Variants in DNAH14 observed in about 807,000 individuals in gnomAD.
DNAH14 encodes dynein axonemal heavy chain 14.
A neutral mutation model predicts 520.9 loss-of-function variants in DNAH14; 478 were observed. The observed-to-expected ratio is 0.92, with a 90% CI of 0.85 to 0.99. The LOEUF is 0.99. Among genes scored for constraint, DNAH14 ranks in the 50% least tolerant of loss-of-function variants. The pLI is 0.00. For synonymous variants in DNAH14, 1,581 were observed against 1,757.2 expected (o/e 0.90, Z 2.51); for missense variants, 4,831 against 5,234.5 (o/e 0.92, Z 2.38).
At chr1:225,357,476 G>A (rs749459332) in intron 73 of DNAH14, among the ~76,000 whole-genome samples, 7 of 152,178 alleles carry the variant, frequency 4.6e-5, no homozygotes, top group South Asian at 2.1e-4. Context: ...TGATGGTATC[G>A]GGGAAACACC....
In DNAH14 at chr1:225,258,042, C is replaced by T. The variant is rs370676245; in HGVS notation, c.6948C>T (p.Thr2316=). The change falls in exon 45 of 86, where the codon ACC becomes ACT. Residue 2316 remains threonine, a synonymous_variant. Transcript: ENST00000682510. ...AATGTGGAGAATGCATTAATTATAC[C>T]GCTACCAGAGACACAACATGCCTTT... ...ITECGECINY[T]ATRDTTCLSF... 20 of 1,549,710 alleles carry T rather than the reference C, an allele frequency of 1.3e-5. No homozygotes were observed. Among genetic ancestry groups the T allele is most frequent in the African/African-American group, 5.5e-5 (4 of 72,800 alleles).
intron 38 of DNAH14, among the ~76,000 whole-genome samples, chr1:225,194,515 G>A (rs1409384741): frequency 1.3e-5 from 2 of 151,966 alleles, no homozygotes; most frequent in Non-Finnish European, 2.9e-5. Flanking sequence ...TTCCTTTCAC[G>A]ATATACAAAA....
At chr1:225,231,902 G>C (rs1307534331) in intron 42 of DNAH14, among the ~76,000 whole-genome samples, 1 of 152,004 alleles carries the variant, frequency 6.6e-6, no homozygotes, top group Non-Finnish European at 1.5e-5. Context: ...TAGCCAAAAA[G>C]AGCATTTATA....
intron 36 of DNAH14, among the ~76,000 whole-genome samples, chr1:225,171,197 A>G (rs1448339366): frequency 6.6e-6 from 1 of 152,222 alleles, no homozygotes; most frequent in Admixed American, 6.5e-5. Context: ...CCCTAACATC[A>G]CAATTAAAAG....
intron 23 of DNAH14, among the ~76,000 whole-genome samples, chr1:225,103,928 T>TTGAATAGGAGTGGTGAGAGAGGGCA (rs576134070): frequency 0.064 from 9,617 of 150,746 alleles, 496 homozygotes; most frequent in East Asian, 0.22. Flanking sequence ...CAACACTATG[T>TTGAATAGGAGTGGTGAGAGAGGGCA]TGAATAGGAG....
At chr1:225,184,015 T>G (rs1034441002) in intron 36 of DNAH14, among the ~76,000 whole-genome samples, 1 of 152,024 alleles carries the variant, frequency 6.6e-6, no homozygotes, top group African/African-American at 2.4e-5. Flanking sequence ...TTAATACCAA[T>G]GGTAATCAAA....
In DNAH14 at chr1:225,240,753, T is replaced by C. The variant is rs1279763709; in HGVS notation, c.6679T>C (p.Ser2227Pro). Residue 2227 changes from serine to proline, a missense_variant, in exon 43 of 86, where the codon TCT becomes CCT. Physicochemically the swap from Ser to Pro is moderately conservative, Grantham distance 74. Transcript: ENST00000682510. Reference sequence around the variant, plus strand: ...ATTTTGTCCCAGTCTTGAACCTGATTCTCTTGCAAAAGTAACATACGATTT... The same window carrying C: ...ATTTTGTCCCAGTCTTGAACCTGATCCTCTTGCAAAAGTAACATACGATTT... ...IPFCPSLEPD[S>P]LAKVTYDFDK... 3 of 1,550,434 alleles carry C rather than the reference T, an allele frequency of 1.9e-6. No individual in the cohort carries two copies. The highest frequency in any genetic ancestry group is 2.6e-6 in the Non-Finnish European group (3 of 1,146,254).
At position 225,069,357 on chromosome 1, in the gene DNAH14, C is replaced by T. The variant is rs1404671632; in HGVS notation, c.2425-9850C>T. Among the ~76,000 whole-genome samples the T allele has an allele frequency of 4.6e-5, 7 of 152,204 alleles. No individual in the cohort carries two copies. The Middle Eastern group carries it at 0.01, about 222-fold the overall frequency. ...GGCTGCGGGTTTGTCAGAGATGGCT[C>T]TTATTATTTTGAGATATGTTCCTTC... On this transcript the variant is annotated intron_variant, in intron 17 of 85. Transcript: ENST00000682510.
At chr1:224,932,061 A>G (rs977768231) in intron 1 of DNAH14, among the ~76,000 whole-genome samples, 2 of 152,192 alleles carry the variant, frequency 1.3e-5, no homozygotes, top group Non-Finnish European at 2.9e-5. Context: ...GCTAGTTTAC[A>G]TACCCACTAA....
At chr1:225,379,464 TTAGA>T (rs963362071) in intron 79 of DNAH14, among the ~76,000 whole-genome samples, 5 of 152,286 alleles carry the variant, frequency 3.3e-5, no homozygotes, top group Admixed American at 3.3e-4. Flanking sequence ...CCCTCTAACA[TTAGA>T]TAGATCTGTA....
chr1:225,124,660 A>T (rs9286991), intron 27 of DNAH14, among the ~76,000 whole-genome samples: 2 of 152,086 alleles, frequency 1.3e-5, no homozygotes, highest in African/African-American at 4.8e-5. Context: ...CTTCCACTGA[A>T]GTCTTGAACC....
chr1:225,027,166 AG>A (rs1483364936), intron 11 of DNAH14, among the ~76,000 whole-genome samples: 1 of 152,124 alleles, frequency 6.6e-6, no homozygotes, highest in African/African-American at 2.4e-5. Context: ...CTAATTGTTT[AG>A]GATTTTCTTT....
chr1:225,165,914 A>G (rs1340744810), intron 35 of DNAH14, among the ~76,000 whole-genome samples: 1 of 151,916 alleles, frequency 6.6e-6, no homozygotes, highest in Non-Finnish European at 1.5e-5. Context: ...TGAAAATGCG[A>G]TTTGATGTTT....
intron 41 of DNAH14, among the ~76,000 whole-genome samples, chr1:225,222,158 A>G (rs1366757195): frequency 1.3e-5 from 2 of 152,166 alleles, no homozygotes; most frequent in Non-Finnish European, 2.9e-5. Context: ...GAACACTGCA[A>G]TGGATCATGT....
chr1:225,263,394 G>T (rs2093007681), intron 46 of DNAH14, among the ~76,000 whole-genome samples: 1 of 151,836 alleles, frequency 6.6e-6, no homozygotes, highest in South Asian at 2.1e-4. Flanking sequence ...ATTCAAGCCT[G>T]AGACCTAGGA....
intron 42 of DNAH14, among the ~76,000 whole-genome samples, chr1:225,237,871 A>T (rs1354451172): frequency 6.6e-6 from 1 of 152,148 alleles, no homozygotes; most frequent in East Asian, 1.9e-4. Flanking sequence ...GATAGTCTTC[A>T]AGCTCTGAGA....
intron 73 of DNAH14, among the ~76,000 whole-genome samples, chr1:225,355,424 T>A (rs978031518): frequency 1.9e-4 from 29 of 152,062 alleles, no homozygotes; most frequent in African/African-American, 7.0e-4. Flanking sequence ...ACAGGCTAAT[T>A]TTTTAAGAGA....
chr1:224,961,477 G>A (rs1312847990), intron 4 of DNAH14: 1 of 152,156 alleles, frequency 6.6e-6, no homozygotes, highest in African/African-American at 2.4e-5. Flanking sequence ...TCCTGGGGAG[G>A]CCTCAGAAAA....
At chr1:225,210,184 G>A (rs2088181143) in intron 41 of DNAH14, among the ~76,000 whole-genome samples, 1 of 151,994 alleles carries the variant, frequency 6.6e-6, no homozygotes. Context: ...CTGGAAAGGA[G>A]GCTGAAACCA....
Sources: gnomAD v4.1 joint callset for allele counts (sites outside exome capture counted in the v4.1 genomes callset) on GRCh38, gnomAD v4.1.1 for gene constraint, MANE v1.5 for transcripts, NCBI Gene and HGNC (gene_info 2026-07-23, HGNC 2026-07-21) for gene names.